The following ATF7IP variants were observed in gnomAD, a reference collection of about 807,000 sequenced individuals.
The protein encoded by ATF7IP is activating transcription factor 7 interacting protein.
In ATF7IP, 23 loss-of-function variants were observed where a neutral mutation model predicts 106.4. The ratio of observed to expected loss-of-function variants is 0.22; its 90% CI spans 0.16 to 0.31. ATF7IP has a LOEUF of 0.31. ATF7IP is among the 10% of genes least tolerant of loss of function. The probability of loss-of-function intolerance (pLI) is 1.00; values close to 1 mark genes in which losing one functional copy is unlikely to be tolerated. For synonymous variants in ATF7IP, 542 were observed against 539.0 expected (o/e 1.01, Z -0.08); for missense variants, 1,334 against 1,524.3 (o/e 0.88, Z 2.08).
intron 13 of ATF7IP, among the ~76,000 whole-genome samples, chr12:14,495,096 G>A (rs1447265737): frequency 1.3e-5 from 2 of 152,184 alleles, no homozygotes; most frequent in African/African-American, 2.4e-5. Context: ...CTAAGGCTAA[G>A]CCTGTCTCTC....
chr12:14,496,238 A>T lies in ATF7IP; in HGVS notation c.3288A>T (p.Thr1096=), dbSNP rs776359091. 3 of 1,607,974 alleles carry T rather than the reference A, an allele frequency of 1.9e-6. No homozygotes were observed. The highest frequency in any genetic ancestry group is 3.3e-5 in the Admixed American group (2 of 59,780). Residue 1096 remains threonine (T), a synonymous_variant, in exon 14 of 15, where the codon ACA becomes ACT. Transcript: ENST00000261168. ...TTTTTTGTTTGTTTGTAGGTGTTACAGTTCGAGTGCCTCAAACAACCACAT... is the reference window on the plus strand; with the variant it reads ...TTTTTTGTTTGTTTGTAGGTGTTACTGTTCGAGTGCCTCAAACAACCACAT... ...VRQVNPQNSV[T]VRVPQTTTYV...
Position 14,498,324 on chromosome 12 carries a change from G to A in ATF7IP, c.*251G>A, listed in dbSNP as rs1945072661. 4.8e-6 allele frequency: 2 copies of A among 413,290 alleles called. No individual in the cohort carries two copies. Among genetic ancestry groups the A allele is most frequent in the Non-Finnish European group, 4.3e-6 (1 of 232,014 alleles). The allele number at this position is 413,290 out of a possible 1,614,324, so 25.6% of individuals were successfully genotyped here. A position where few individuals can be genotyped will look rare whatever the true frequency, so the allele number is the denominator to read the frequency against. Reference sequence around the variant, plus strand: ...TACCTTGCTTTAGTTTTGAGGCTGGGGAATATGTGTGGGTGTTTATGTGTG... The same window carrying A: ...TACCTTGCTTTAGTTTTGAGGCTGGAGAATATGTGTGGGTGTTTATGTGTG... On this transcript the variant is annotated 3_prime_UTR_variant, in exon 15 of 15. Coordinates refer to ENST00000261168, the MANE Select transcript of ATF7IP (RefSeq NM_018179.5).
At chr12:14,488,429 A>G (rs1335949149) in intron 13 of ATF7IP, among the ~76,000 whole-genome samples, 1 of 152,102 alleles carries the variant, frequency 6.6e-6, no homozygotes, top group East Asian at 1.9e-4. Context: ...GTAGGCTGGG[A>G]GGCTAAGGCT....
chr12:14,430,308 G>T (rs190727590), intron 2 of ATF7IP, among the ~76,000 whole-genome samples: 54 of 152,288 alleles, frequency 3.5e-4, no homozygotes, highest in Admixed American at 3.0e-3. Flanking sequence ...ACAATCTGGA[G>T]ATCATTGGTG....
At chr12:14,376,150 T>G (rs1042131582) in intron 1 of ATF7IP, among the ~76,000 whole-genome samples, 1 of 152,232 alleles carries the variant, frequency 6.6e-6, no homozygotes, top group African/African-American at 2.4e-5. Flanking sequence ...TCACATTGAT[T>G]GTCATATCTG....
intron 1 of ATF7IP, among the ~76,000 whole-genome samples, chr12:14,408,168 C>A (rs2058875): frequency 6.6e-6 from 1 of 151,470 alleles, no homozygotes; most frequent in African/African-American, 2.4e-5. Context: ...TGGCATGTTT[C>A]TTGAAAGTGG....
Position 14,399,039 on chromosome 12 carries a change from A to G in ATF7IP, c.-7-24870A>G, listed in dbSNP as rs942343317. 1.4e-4 allele frequency among the ~76,000 whole-genome samples: 22 copies of G among 152,200 alleles called. No homozygotes were observed. In the East Asian group the frequency reaches 2.3e-3, roughly 16 times the overall value. ...CCTGTTAGTTAACTTACACATTGCAATTATCTGGATAAATAACATATTTAT... is the reference window on the plus strand; with the variant it reads ...CCTGTTAGTTAACTTACACATTGCAGTTATCTGGATAAATAACATATTTAT... On this transcript the variant is annotated intron_variant, in intron 1 of 14. Transcript: ENST00000261168.
At position 14,426,464 on chromosome 12, in the gene ATF7IP, A is replaced by G. The variant is rs562592577; in HGVS notation, c.1558+991A>G. ...GAGGCAGGTCTAAGAGACAGAGACA[A>G]CTTTTTTCCCCAATATATCATACCA... is the stretch of plus-strand genomic sequence containing the variant. On this transcript the variant is annotated intron_variant, in intron 2 of 14. Transcript: ENST00000261168. 2.0e-5 allele frequency among the ~76,000 whole-genome samples: 3 copies of G among 152,024 alleles called. No individual in the cohort carries two copies. The East Asian group carries it at 5.8e-4, about 29-fold the overall frequency.
intron 13 of ATF7IP, among the ~76,000 whole-genome samples, chr12:14,484,109 C>T (rs1944512096): frequency 1.3e-5 from 2 of 152,120 alleles, no homozygotes; most frequent in South Asian, 2.1e-4. Flanking sequence ...AGCTGATCAC[C>T]CCGAGGAATG....
chr12:14,429,844 T>C (rs1282410509), intron 2 of ATF7IP, among the ~76,000 whole-genome samples: 1 of 152,208 alleles, frequency 6.6e-6, no homozygotes, highest in African/African-American at 2.4e-5. Flanking sequence ...ATTTTTCTTT[T>C]CAGAGTTGAG....
At chr12:14,386,704 A>ATT (rs1180240497) in intron 1 of ATF7IP, among the ~76,000 whole-genome samples, 1 of 152,162 alleles carries the variant, frequency 6.6e-6, no homozygotes, top group Non-Finnish European at 1.5e-5. Flanking sequence ...AATGACAATA[A>ATT]TTATGCTATT....
intron 1 of ATF7IP, among the ~76,000 whole-genome samples, chr12:14,376,552 A>G (rs1263981433): frequency 6.6e-6 from 1 of 152,220 alleles, no homozygotes; most frequent in African/African-American, 2.4e-5. Context: ...GTGAACTGCT[A>G]TAATTGACTT....
At position 14,452,555 on chromosome 12, in the gene ATF7IP, A is replaced by G. The variant is rs957982339; in HGVS notation, c.1996-4006A>G. Among the ~76,000 whole-genome samples, 4 of 152,178 alleles carry G rather than the reference A, an allele frequency of 2.6e-5. No individual in the cohort carries two copies. In the East Asian group the frequency reaches 7.7e-4, roughly 29 times the overall value. On this transcript the variant is annotated intron_variant, in intron 6 of 14. Coordinates refer to ENST00000261168, the MANE Select transcript of ATF7IP (RefSeq NM_018179.5). ...CCGTGGGGATTACATAAAACATCCT[A>G]AAGTTACAACTGTCTATGTTAAACT...
At position 14,424,002 on chromosome 12, in the gene ATF7IP, G is replaced by T. The variant is rs760984490; in HGVS notation, c.87G>T (p.Val29=). The stretch of plus-strand genomic sequence containing the variant: ...GTGATCGTCAGCAACTTGAAGCAGT[G>T]TACAAGGTCAAAGAAGAACTGTTGA... ...RVSDRQQLEA[V]YKVKEELLKT... The change falls in exon 2 of 15, where the codon GTG becomes GTT. Residue 29 remains valine, a synonymous_variant. Transcript: ENST00000261168. The T allele has an allele frequency of 2.0e-5, 33 of 1,614,070 alleles. No homozygotes were observed. The highest frequency in any genetic ancestry group is 2.8e-5 in the Non-Finnish European group (33 of 1,180,044).
chr12:14,405,761 C>T (rs1257360506), intron 1 of ATF7IP, among the ~76,000 whole-genome samples: 2 of 151,940 alleles, frequency 1.3e-5, no homozygotes, highest in Non-Finnish European at 2.9e-5. Context: ...TTTAGTAGGG[C>T]AGTTGGAAGA....
intron 13 of ATF7IP, among the ~76,000 whole-genome samples, chr12:14,493,071 G>A (rs893128954): frequency 1.3e-5 from 2 of 152,104 alleles, no homozygotes; most frequent in Non-Finnish European, 2.9e-5. Context: ...CTCTCTCACA[G>A]TGTGCCATCT....
At chr12:14,463,658 A>G (rs1444361688) in intron 9 of ATF7IP, among the ~76,000 whole-genome samples, 1 of 152,160 alleles carries the variant, frequency 6.6e-6, no homozygotes, top group African/African-American at 2.4e-5. Context: ...GGGTAATGTG[A>G]CATCCATGAA....
intron 1 of ATF7IP, among the ~76,000 whole-genome samples, chr12:14,415,669 TA>T (rs1719525833): frequency 6.9e-6 from 1 of 144,478 alleles, no homozygotes; most frequent in Non-Finnish European, 1.5e-5. Context: ...GAGTATTTGA[TA>T]AACAGATTTC....
intron 13 of ATF7IP, among the ~76,000 whole-genome samples, chr12:14,487,783 G>A (rs1944672949): frequency 6.6e-6 from 1 of 152,160 alleles, no homozygotes; most frequent in Admixed American, 6.5e-5. Context: ...TCAGAAGCCA[G>A]GAGACAGAAT....
Sources: gnomAD v4.1 joint callset for allele counts (sites outside exome capture counted in the v4.1 genomes callset) on GRCh38, gnomAD v4.1.1 for gene constraint, MANE v1.5 for transcripts, NCBI Gene and HGNC (gene_info 2026-07-23, HGNC 2026-07-21) for gene names.